Variants in TSPAN9 observed in about 807,000 individuals in gnomAD.
TSPAN9 encodes the protein tetraspanin 9, also known as tetraspanin-9.
A neutral mutation model predicts 31.0 loss-of-function variants in TSPAN9; 16 were observed. The observed-to-expected ratio is 0.52, with a 90% CI of 0.35 to 0.78. The LOEUF (loss-of-function observed/expected upper bound fraction) is 0.78, where lower values mean the gene tolerates loss of function less well. Among genes scored for constraint, TSPAN9 ranks in the 30% least tolerant of loss-of-function variants. The pLI is 0.01. For missense variants in TSPAN9, 272 were observed against 312.5 expected, an observed-to-expected ratio of 0.87 and a Z score of 0.98; for synonymous variants, 145 against 121.6, an observed-to-expected ratio of 1.19 and a Z score of -1.27.
chr12:3,280,086 G>A lies in TSPAN9; in HGVS notation c.331-296G>A, dbSNP rs1862865745. Among the ~76,000 whole-genome samples the A allele has an allele frequency of 1.3e-5, 2 of 152,218 alleles. No individual in the cohort carries two copies. Among genetic ancestry groups the A allele is most frequent in the Non-Finnish European group, 2.9e-5 (2 of 67,992 alleles). On this transcript the variant is annotated intron_variant, in intron 5 of 8. Transcript: ENST00000011898. This position sits in a 1 kb window ranked among gnomAD's most constrained non-coding sequence, Gnocchi z 4.5. ...TGGGATGGGGGAGTGGAGGCACGTG[G>A]TGTGTTTTTTTGCCTCTGGGTGTTA...
chr12:3,105,609 T>C (rs1322260899), intron 2 of TSPAN9, among the ~76,000 whole-genome samples: 1 of 151,796 alleles, frequency 6.6e-6, no homozygotes, highest in African/African-American at 2.4e-5. Flanking sequence ...GGTGCTTCCT[T>C]TTCTGTTAAC....
chr12:3,255,098 G>A (rs943892059), intron 3 of TSPAN9, among the ~76,000 whole-genome samples: 28 of 152,234 alleles, frequency 1.8e-4, no homozygotes, highest in Admixed American at 6.5e-5. Flanking sequence ...GCCCAAAATA[G>A]CAATGCACAA....
At chr12:3,154,480 G>T (rs1221621107) in intron 2 of TSPAN9, among the ~76,000 whole-genome samples, 1 of 152,118 alleles carries the variant, frequency 6.6e-6, no homozygotes, top group East Asian at 1.9e-4. Context: ...AATGACCGTG[G>T]GCTCACCCAT....
rs866823191 is a variant in TSPAN9, at chr12:3,105,748, T to A, written c.-18+22029T>A. Among the ~76,000 whole-genome samples the A allele has an allele frequency of 2.5e-3, 268 of 105,904 alleles. 1 individual carries two copies. The highest frequency in any genetic ancestry group is 8.2e-3 in the South Asian group (23 of 2,802). The allele number at this position is 105,904 out of a possible 152,430, so 69.5% of individuals were successfully genotyped here. On this transcript the variant is annotated intron_variant, in intron 2 of 8. Coordinates refer to ENST00000011898, the MANE Select transcript of TSPAN9 (RefSeq NM_006675.5). ...TGTGCACGCGCGTGCACACACACAC[T>A]CACACACACGCACACACGCGCACGC...
intron 2 of TSPAN9, among the ~76,000 whole-genome samples, chr12:3,186,096 A>G (rs2098361168): frequency 6.6e-6 from 1 of 152,184 alleles, no homozygotes; most frequent in African/African-American, 2.4e-5. Flanking sequence ...GGCCAGGGCA[A>G]GAACGCAGGT....
intron 3 of TSPAN9, among the ~76,000 whole-genome samples, chr12:3,209,036 A>G: frequency 6.6e-6 from 1 of 152,144 alleles, no homozygotes; most frequent in Non-Finnish European, 1.5e-5. Flanking sequence ...GGAGTCCGAG[A>G]CCAGCCTGGC....
At chr12:3,210,210 G>C (rs1202758462) in intron 3 of TSPAN9, among the ~76,000 whole-genome samples, 2 of 152,072 alleles carry the variant, frequency 1.3e-5, no homozygotes, top group Non-Finnish European at 2.9e-5. Context: ...CACTGCTCTG[G>C]GTATATAGGA....
intron 2 of TSPAN9, among the ~76,000 whole-genome samples, chr12:3,090,219 C>T (rs556315031): frequency 1.1e-4 from 15 of 130,736 alleles, no homozygotes; most frequent in African/African-American, 4.2e-4. Flanking sequence ...TATTCTTTTC[C>T]GTAGTTGGCG....
intron 3 of TSPAN9, among the ~76,000 whole-genome samples, chr12:3,219,150 G>A (rs951961514): frequency 6.6e-6 from 1 of 152,260 alleles, no homozygotes; most frequent in African/African-American, 2.4e-5. Context: ...TGGGGGCTGT[G>A]TGTGTAAGCT....
intron 2 of TSPAN9, among the ~76,000 whole-genome samples, chr12:3,104,924 C>T (rs986687621): frequency 2.6e-5 from 4 of 152,270 alleles, no homozygotes; most frequent in African/African-American, 9.6e-5. Flanking sequence ...AGTGGACAGG[C>T]GTGTGGGGGT....
In TSPAN9 at chr12:3,095,602, A is replaced by G. The variant is rs1376636401; in HGVS notation, c.-18+11883A>G. On this transcript the variant is annotated intron_variant, in intron 2 of 8. Transcript: ENST00000011898. ...CGGGCAGAGGCGCCCCTCACCTCCC[A>G]GACGGGGCGGCTGGCCGGGCGGAGG... Among the ~76,000 whole-genome samples, 368 of 87,242 alleles carry G rather than the reference A, an allele frequency of 4.2e-3. 13 individuals are homozygous for G. The highest frequency in any genetic ancestry group is 6.3e-3 in the Middle Eastern group (1 of 158). The allele number at this position is 87,242 out of a possible 152,430, so 57.2% of individuals were successfully genotyped here.
intron 3 of TSPAN9, among the ~76,000 whole-genome samples, chr12:3,230,789 C>T (rs3782810): frequency 0.22 from 33,992 of 151,998 alleles, 3,894 homozygotes; most frequent in South Asian, 0.29. Context: ...GCCCCTGCTC[C>T]GATCCTCAGT....
intron 2 of TSPAN9, among the ~76,000 whole-genome samples, chr12:3,110,850 T>C (rs1231800857): frequency 6.6e-6 from 1 of 152,242 alleles, no homozygotes; most frequent in African/African-American, 2.4e-5. Flanking sequence ...TTTTTCTTCA[T>C]CCTGGTTTAT....
At chr12:3,152,181 A>T (rs1591650088) in intron 2 of TSPAN9, among the ~76,000 whole-genome samples, 1 of 151,876 alleles carries the variant, frequency 6.6e-6, no homozygotes, top group African/African-American at 2.4e-5. Flanking sequence ...TTTCCAAGGC[A>T]CCCCCCTCTG....
intron 3 of TSPAN9, among the ~76,000 whole-genome samples, chr12:3,272,417 A>C (rs1009342714): frequency 6.6e-6 from 1 of 151,812 alleles, no homozygotes; most frequent in African/African-American, 2.4e-5. Flanking sequence ...ATATTTATCT[A>C]GTAATCCAGG....
chr12:3,276,324 G>A (rs755951919), intron 3 of TSPAN9, among the ~76,000 whole-genome samples: 11 of 152,178 alleles, frequency 7.2e-5, no homozygotes, highest in Non-Finnish European at 1.2e-4. Flanking sequence ...GGACCTTCCC[G>A]TCACACTGAG....
At chr12:3,166,738 C>G (rs1734433155) in intron 2 of TSPAN9, among the ~76,000 whole-genome samples, 1 of 152,210 alleles carries the variant, frequency 6.6e-6, no homozygotes, top group South Asian at 2.1e-4. Flanking sequence ...TTTACTCCTG[C>G]TCAGGGGTAG....
rs573689252 is a variant in TSPAN9, at chr12:3,174,243, T to G, written c.-17-26934T>G. On this transcript the variant is annotated intron_variant, in intron 2 of 8. Coordinates refer to ENST00000011898, the MANE Select transcript of TSPAN9 (RefSeq NM_006675.5). Reference sequence around the variant, plus strand: ...CCACCATACCTGGCTAGTTTTTTAGTTTTTGTACAGACAGAGTCTTACTAT... The same window carrying G: ...CCACCATACCTGGCTAGTTTTTTAGGTTTTGTACAGACAGAGTCTTACTAT... Among the ~76,000 whole-genome samples the G allele has an allele frequency of 5.1e-4, 78 of 152,138 alleles. 1 individual carries two copies. Among genetic ancestry groups the G allele is most frequent in the African/African-American group, 1.8e-3 (74 of 41,506 alleles).
intron 3 of TSPAN9, among the ~76,000 whole-genome samples, chr12:3,209,275 G>T (rs1283321715): frequency 6.6e-6 from 1 of 151,960 alleles, no homozygotes; most frequent in Non-Finnish European, 1.5e-5. Flanking sequence ...TCAGCGTTGT[G>T]TTTCTGGATT....
Sources: allele counts gnomAD v4.1 joint callset (sites outside exome capture counted in the v4.1 genomes callset), GRCh38; gene constraint gnomAD v4.1.1; non-coding constraint Gnocchi (gnomAD v3.1); transcripts MANE v1.5; gene names NCBI Gene and HGNC (gene_info 2026-07-23, HGNC 2026-07-21).